The following RIMS1 variants were observed in gnomAD, a reference collection of about 807,000 sequenced individuals.
RIMS1 encodes the protein regulating synaptic membrane exocytosis 1, also known as regulating synaptic membrane exocytosis protein 1.
A neutral mutation model predicts 214.1 loss-of-function variants in RIMS1; 83 were observed. That is an observed-to-expected ratio of 0.39 (90% CI 0.32 to 0.47). The LOEUF (loss-of-function observed/expected upper bound fraction) is 0.47. Ranked by LOEUF, RIMS1 falls within the 20% of genes least tolerant of loss-of-function variation. RIMS1 has a pLI of 0.99. For synonymous variants in RIMS1, 793 were observed against 786.8 expected, an observed-to-expected ratio of 1.01 and a Z score of -0.13; for missense variants, 2,050 against 2,161.8, an observed-to-expected ratio of 0.95 and a Z score of 1.03.
At chr6:72,096,246 C>G (rs1288731133) in intron 2 of RIMS1, among the ~76,000 whole-genome samples, 3 of 152,156 alleles carry the variant, frequency 2.0e-5, no homozygotes, top group Non-Finnish European at 4.4e-5. Context: ...ATCTGCATAT[C>G]TACAAGGTAA....
intron 1 of RIMS1, among the ~76,000 whole-genome samples, chr6:71,948,260 A>T (rs1788473547): frequency 6.6e-6 from 1 of 152,148 alleles, no homozygotes; most frequent in South Asian, 2.1e-4. Flanking sequence ...TGTTCATCAG[A>T]TATTTTTGGT....
At chr6:72,271,917 A>T (rs2083590903) in intron 22 of RIMS1, among the ~76,000 whole-genome samples, 6 of 152,152 alleles carry the variant, frequency 3.9e-5, no homozygotes, top group Admixed American at 3.9e-4. Context: ...TTTTTATTCA[A>T]TCCTGTAGCC....
chr6:71,952,403 G>A (rs1329480961), intron 1 of RIMS1, among the ~76,000 whole-genome samples: 5 of 152,208 alleles, frequency 3.3e-5, no homozygotes, highest in South Asian at 2.1e-4. Context: ...TAGAGATATA[G>A]TAATGAATAA....
At chr6:72,069,972 CTTAAA>C (rs1318044965) in intron 2 of RIMS1, among the ~76,000 whole-genome samples, 1 of 152,210 alleles carries the variant, frequency 6.6e-6, no homozygotes, top group Non-Finnish European at 1.5e-5. Context: ...ATGTATGACA[CTTAAA>C]TTATGTTATC....
At chr6:72,338,395 G>A (rs960818700) in intron 29 of RIMS1, among the ~76,000 whole-genome samples, 1 of 151,980 alleles carries the variant, frequency 6.6e-6, no homozygotes, top group Non-Finnish European at 1.5e-5. Flanking sequence ...ATGCCATTCA[G>A]GACATAGGCA....
At chr6:72,304,527 A>T (rs1162211786) in intron 26 of RIMS1, among the ~76,000 whole-genome samples, 3 of 151,796 alleles carry the variant, frequency 2.0e-5, no homozygotes, top group African/African-American at 7.2e-5. Context: ...GTCTTATTTT[A>T]TAAATTTGTC....
At chr6:72,167,056 G>C (rs2153946801) in intron 4 of RIMS1, among the ~76,000 whole-genome samples, 1 of 151,716 alleles carries the variant, frequency 6.6e-6, no homozygotes, top group East Asian at 1.9e-4. Flanking sequence ...GTTAGTGGTA[G>C]GTTTTTTGAT....
intron 6 of RIMS1, 96 bp downstream of exon 6, chr6:72,183,245 A>G (rs2048600713): frequency 1.6e-6 from 2 of 1,251,714 alleles, no homozygotes; most frequent in South Asian, 2.7e-5. Context: ...TTCAGCATTG[A>G]GGCTGGGAAT....
At chr6:72,234,556 A>T (rs1562879103) in intron 7 of RIMS1, among the ~76,000 whole-genome samples, 1 of 151,944 alleles carries the variant, frequency 6.6e-6, no homozygotes, top group Non-Finnish European at 1.5e-5. Context: ...GCCAATATTG[A>T]TGTATTATTA....
chr6:72,306,025 GTGTT>G (rs1296089546), intron 26 of RIMS1, among the ~76,000 whole-genome samples: 9 of 152,010 alleles, frequency 5.9e-5, no homozygotes, highest in African/African-American at 9.7e-5. Flanking sequence ...TTTAAAGTGT[GTGTT>G]GGCGTTTTAT....
At chr6:71,947,021 A>G (rs1194233844) in intron 1 of RIMS1, among the ~76,000 whole-genome samples, 1 of 152,132 alleles carries the variant, frequency 6.6e-6, no homozygotes, top group Non-Finnish European at 1.5e-5. Context: ...ACCACTGGCC[A>G]TCGGATATGT....
chr6:72,268,653 C>T (rs887321805), intron 22 of RIMS1, among the ~76,000 whole-genome samples: 3 of 152,150 alleles, frequency 2.0e-5, no homozygotes, highest in African/African-American at 7.2e-5. Flanking sequence ...ATACACCTAT[C>T]GTTTCTCCCT....
chr6:72,095,177 A>T (rs1176821217), intron 2 of RIMS1, among the ~76,000 whole-genome samples: 4 of 129,808 alleles, frequency 3.1e-5, no homozygotes, highest in Non-Finnish European at 3.1e-5. Flanking sequence ...GTTAGCCAGG[A>T]TTGTCTTGAT....
intron 2 of RIMS1, among the ~76,000 whole-genome samples, chr6:72,074,083 C>T (rs1267942498): frequency 1.3e-5 from 2 of 152,042 alleles, no homozygotes; most frequent in African/African-American, 4.8e-5. Context: ...GAGTCCATGA[C>T]ACAAAAATGG....
In RIMS1 at chr6:71,977,147, T is replaced by C. The variant is rs886679395; in HGVS notation, c.245+8084T>C. Among the ~76,000 whole-genome samples, 9 of 152,256 alleles carry C rather than the reference T, an allele frequency of 5.9e-5. No homozygotes were observed. The East Asian group carries it at 1.7e-3, about 29-fold the overall frequency. On this transcript the variant is annotated intron_variant, in intron 2 of 33. Coordinates refer to ENST00000521978, the MANE Select transcript of RIMS1 (RefSeq NM_014989.7). ...CTCAGACACATCCCCATCATGAATATAATTTCTCTCAATGTCTGGGAAAGA... is the reference window on the plus strand; with the variant it reads ...CTCAGACACATCCCCATCATGAATACAATTTCTCTCAATGTCTGGGAAAGA...
intron 2 of RIMS1, among the ~76,000 whole-genome samples, chr6:71,975,893 C>T (rs1370099533): frequency 6.6e-6 from 1 of 152,018 alleles, no homozygotes; most frequent in African/African-American, 2.4e-5. Flanking sequence ...TGTATCTGTA[C>T]TTTATCCCTT....
chr6:72,127,386 A>AT (rs1476470933), intron 4 of RIMS1, among the ~76,000 whole-genome samples: 1 of 151,874 alleles, frequency 6.6e-6, no homozygotes, highest in Non-Finnish European at 1.5e-5. Flanking sequence ...ACTTTTAGGG[A>AT]TAAAAACTGT....
intron 23 of RIMS1, among the ~76,000 whole-genome samples, chr6:72,276,556 AATTATT>A (rs1391571315): frequency 6.6e-6 from 1 of 151,966 alleles, no homozygotes; most frequent in Non-Finnish European, 1.5e-5. Context: ...TATTAAAATA[AATTATT>A]ATTAAATACA....
intron 2 of RIMS1, among the ~76,000 whole-genome samples, chr6:71,975,414 A>C (rs1796889063): frequency 6.6e-6 from 1 of 152,196 alleles, no homozygotes; most frequent in Non-Finnish European, 1.5e-5. Flanking sequence ...ATCCAGAAAG[A>C]GAATATGATA....
Sources: gnomAD v4.1 joint callset for allele counts (sites outside exome capture counted in the v4.1 genomes callset) on GRCh38, gnomAD v4.1.1 for gene constraint, MANE v1.5 for transcripts, NCBI Gene and HGNC (gene_info 2026-07-23, HGNC 2026-07-21) for gene names.